DGKH: variants seen among roughly 807,000 people sequenced by gnomAD.
DGKH encodes diacylglycerol kinase eta, also known as DAG kinase eta.
A neutral mutation model predicts 159.3 loss-of-function variants in DGKH; 90 were observed. The ratio of observed to expected loss-of-function variants is 0.57; its 90% CI spans 0.48 to 0.67. DGKH has a LOEUF of 0.67. DGKH is among the 30% of genes least tolerant of loss of function. The pLI, the probability that DGKH is intolerant of heterozygous loss-of-function variation, is 0.00. For missense variants in DGKH, 1,181 were observed against 1,506.1 expected (o/e 0.78, Z 3.57); for synonymous variants, 536 against 553.8 (o/e 0.97, Z 0.45).
intron 1 of DGKH, among the ~76,000 whole-genome samples, chr13:42,113,387 A>G (rs1429633520): frequency 6.6e-6 from 1 of 152,366 alleles, no homozygotes; most frequent in East Asian, 1.9e-4. Flanking sequence ...CAATTGAATC[A>G]AAGTGCATTA....
intron 1 of DGKH, among the ~76,000 whole-genome samples, chr13:42,121,710 T>A (rs1955075087): frequency 6.6e-6 from 1 of 152,220 alleles, no homozygotes. Context: ...ACTGGTATCC[T>A]TGGGATTCAG....
rs188377164 is a variant in DGKH at position 42,083,264 on chromosome 13, G to A, written c.192+34299G>A. Among the ~76,000 whole-genome samples the A allele has an allele frequency of 2.6e-5, 4 of 152,266 alleles. No individual in the cohort carries two copies. In the East Asian group the frequency reaches 7.7e-4, roughly 29 times the overall value. On this transcript the variant is annotated intron_variant, in intron 1 of 29. Coordinates refer to ENST00000337343, the MANE Select transcript of DGKH (RefSeq NM_178009.5). Reference sequence around the variant, plus strand: ...AAAAAGAGGGAGAGAGATTTGCTTCGTGCTTCAAGGAACTTGCAACTTAAA... The same window carrying A: ...AAAAAGAGGGAGAGAGATTTGCTTCATGCTTCAAGGAACTTGCAACTTAAA...
intron 20 of DGKH, among the ~76,000 whole-genome samples, chr13:42,202,317 C>T (rs1368289538): frequency 6.6e-6 from 1 of 152,114 alleles, no homozygotes; most frequent in African/African-American, 2.4e-5. Flanking sequence ...GATGATGGTT[C>T]ACTCGGGATA....
At chr13:42,251,946 G>C (rs7997558) in intron 29 of DGKH, among the ~76,000 whole-genome samples, 1 of 152,046 alleles carries the variant, frequency 6.6e-6, no homozygotes, top group Non-Finnish European at 1.5e-5. Flanking sequence ...TCCTCATCAC[G>C]CTGCACAAAG....
chr13:42,060,193 A>G (rs1882049816), intron 1 of DGKH, among the ~76,000 whole-genome samples: 3 of 152,192 alleles, frequency 2.0e-5, no homozygotes, highest in African/African-American at 4.8e-5. Context: ...GGCATGAGCC[A>G]CTGGGCACAG....
intron 8 of DGKH, 71 bp downstream of exon 8, chr13:42,165,504 GAAT>G: frequency 1.3e-6 from 1 of 799,330 alleles, no homozygotes. Flanking sequence ...TCTTTTCCTA[GAAT>G]AATAACTATG....
chr13:42,222,386 T>C (rs1471139799), intron 29 of DGKH, among the ~76,000 whole-genome samples: 1 of 152,188 alleles, frequency 6.6e-6, no homozygotes, highest in Non-Finnish European at 1.5e-5. Flanking sequence ...ATTGGTAGTA[T>C]AAAGATCTTT....
intron 7 of DGKH, among the ~76,000 whole-genome samples, chr13:42,161,358 A>C (rs1956174748): frequency 6.6e-6 from 1 of 152,272 alleles, no homozygotes; most frequent in African/African-American, 2.4e-5. Context: ...TGTATTAGAA[A>C]GAAAACACGG....
At chr13:42,255,828 A>G (rs1016301326) in intron 30 of DGKH, 9 of 627,754 alleles carry the variant, frequency 1.4e-5, no homozygotes, top group Admixed American at 9.7e-5. Flanking sequence ...TAAGTAATAT[A>G]TAAAAAGGGC....
intron 1 of DGKH, among the ~76,000 whole-genome samples, chr13:42,081,958 A>G (rs947080484): frequency 6.6e-6 from 1 of 152,234 alleles, no homozygotes; most frequent in Admixed American, 6.5e-5. Flanking sequence ...ATTGAAAACA[A>G]TGAGTTCACA....
intron 1 of DGKH, chr13:42,069,594 C>A: frequency 1.3e-6 from 2 of 1,507,468 alleles, no homozygotes; most frequent in Non-Finnish European, 1.8e-6. Flanking sequence ...GGGCTTTAAC[C>A]AATCCATTCC....
At chr13:42,134,228 A>G (rs750200325) in intron 3 of DGKH, among the ~76,000 whole-genome samples, 40 of 152,312 alleles carry the variant, frequency 2.6e-4, no homozygotes, top group African/African-American at 7.5e-4. Context: ...TTTCCACGAC[A>G]TTCAGTTGGT....
At chr13:42,079,468 C>G (rs1263680125) in intron 1 of DGKH, among the ~76,000 whole-genome samples, 1 of 152,068 alleles carries the variant, frequency 6.6e-6, no homozygotes, top group Non-Finnish European at 1.5e-5. Flanking sequence ...ACCCTCTCGC[C>G]CCTCCAAGCC....
chr13:42,062,761 C>A (rs1425630732), intron 1 of DGKH, among the ~76,000 whole-genome samples: 2 of 152,126 alleles, frequency 1.3e-5, no homozygotes, highest in African/African-American at 4.8e-5. Context: ...TTAGTTACGG[C>A]CAACTTCAGG....
intron 1 of DGKH, among the ~76,000 whole-genome samples, chr13:42,059,499 G>T (rs1018578539): frequency 6.6e-6 from 1 of 152,038 alleles, no homozygotes; most frequent in Non-Finnish European, 1.5e-5. Flanking sequence ...GTCTGCCCAC[G>T]TTGGCCTCCC....
At chr13:42,068,872 G>T in intron 1 of DGKH, 1 of 831,398 alleles carries the variant, frequency 1.2e-6, no homozygotes, top group Non-Finnish European at 1.7e-6. Context: ...TTAAACTCTA[G>T]TAATAAAAAA....
intron 3 of DGKH, among the ~76,000 whole-genome samples, chr13:42,141,400 CT>C (rs1295630853): frequency 6.6e-6 from 1 of 152,096 alleles, no homozygotes; most frequent in African/African-American, 2.4e-5. Context: ...ATTTATAGTC[CT>C]TTGGGTATAT....
At position 42,115,377 on chromosome 13, in the gene DGKH, T is replaced by C. The variant is rs896404931; in HGVS notation, c.193-12086T>C. 2.0e-5 allele frequency among the ~76,000 whole-genome samples: 3 copies of C among 152,062 alleles called. No homozygotes were observed. The East Asian group carries it at 5.8e-4, about 29-fold the overall frequency. ...GGATAGAAAAATAAATGAGGTACAGTTTTTGTCACTGAGAAACTCAGTCCT... is the reference window on the plus strand; with the variant it reads ...GGATAGAAAAATAAATGAGGTACAGCTTTTGTCACTGAGAAACTCAGTCCT... On this transcript the variant is annotated intron_variant, in intron 1 of 29. Transcript: ENST00000337343.
chr13:42,042,893 AAAG>A (rs1435845931), intron 1 of DGKH, among the ~76,000 whole-genome samples: 1 of 152,254 alleles, frequency 6.6e-6, no homozygotes, highest in Non-Finnish European at 1.5e-5. Context: ...ACTTCTTAAA[AAAG>A]ACAATTTATC....
Sources: gnomAD v4.1 joint callset for allele counts (sites outside exome capture counted in the v4.1 genomes callset) on GRCh38, gnomAD v4.1.1 for gene constraint, MANE v1.5 for transcripts, NCBI Gene and HGNC (gene_info 2026-07-23, HGNC 2026-07-21) for gene names.